The following GMIP variants were observed in gnomAD, a reference collection of about 807,000 sequenced individuals.
The protein encoded by GMIP is GEM-interacting protein.
A neutral mutation model predicts 105.3 loss-of-function variants in GMIP; 54 were observed. The observed-to-expected ratio is 0.51, with a 90% CI of 0.41 to 0.64. The LOEUF (loss-of-function observed/expected upper bound fraction) is 0.64. Ranked by LOEUF, GMIP falls within the 30% of genes least tolerant of loss-of-function variation. The probability of loss-of-function intolerance (pLI) is 0.00; values close to 1 mark genes in which losing one functional copy is unlikely to be tolerated. For synonymous variants in GMIP, 541 were observed against 560.8 expected (o/e 0.96, Z 0.50); for missense variants, 1,110 against 1,319.4 (o/e 0.84, Z 2.46).
In GMIP at chr19:19,634,480, T is replaced by A. The variant is rs2061829368; in HGVS notation, c.2084+27A>T. ...CGCATGTCCAGGGAAAAGGGTCGCG[T>A]TTCAAGGCTCAGGGACCCATGCACA... On this transcript the variant is annotated intron_variant, in intron 18 of 20. Coordinates refer to ENST00000203556, the MANE Select transcript of GMIP (RefSeq NM_016573.4). This position sits in a 1 kb window ranked among gnomAD's most constrained non-coding sequence, Gnocchi z 6.1. 3 of 1,577,210 alleles carry A rather than the reference T, an allele frequency of 1.9e-6. No individual in the cohort carries two copies. Among genetic ancestry groups the A allele is most frequent in the Non-Finnish European group, 2.6e-6 (3 of 1,165,118 alleles).
Position 19,629,882 on chromosome 19 carries a change from G to A in GMIP, c.*81C>T, listed in dbSNP as rs2061773699. 1.4e-6 allele frequency: 2 copies of A among 1,383,960 alleles called. No individual in the cohort carries two copies. The highest frequency in any genetic ancestry group is 2.0e-6 in the Non-Finnish European group (2 of 1,022,476). 85.7% of individuals were successfully genotyped at this position (1,383,960 alleles called of 1,614,324 possible). A position where few individuals can be genotyped will look rare whatever the true frequency, so the allele number is the denominator to read the frequency against. ...CATTGAACTCCTGGCGGGGTGTTTG[G>A]CCACTAGGTGGTGGGAGGTAGGGAT... On this transcript the variant is annotated 3_prime_UTR_variant, in exon 21 of 21. Transcript: ENST00000203556.
chr19:19,630,251 GC>G lies in GMIP; in HGVS notation c.2624del (p.Gly875AlafsTer3), dbSNP rs759585880. On this transcript the variant is annotated frameshift_variant, in exon 21 of 21. Coordinates refer to ENST00000203556, the MANE Select transcript of GMIP (RefSeq NM_016573.4). LOFTEE classifies it high-confidence loss of function. This position sits in a 1 kb window ranked among gnomAD's most constrained non-coding sequence, Gnocchi z 4.8. ...GCTGGTGGGTTACAGGCCTCACACC[GC>G]CCCGGGGATACTTCACTGGCTGGCG... The part of the protein sequence containing the change: ...FSRQPVKYPR[G>X]GVRPVTHQLS... 3 of 1,570,380 alleles carry G rather than the reference GC, an allele frequency of 1.9e-6. No individual in the cohort carries two copies. Among genetic ancestry groups the G allele is most frequent in the Non-Finnish European group, 2.6e-6 (3 of 1,155,750 alleles).
At position 19,635,517 on chromosome 19, in the gene GMIP, T is replaced by C. The variant is rs1337782415; in HGVS notation, c.1458A>G (p.Thr486=). 6.2e-7 allele frequency: 1 copy of C among 1,613,128 alleles called. No individual in the cohort carries two copies. The highest frequency in any genetic ancestry group is 8.5e-7 in the Non-Finnish European group (1 of 1,180,000). Residue 486 remains threonine, a synonymous_variant, in exon 15 of 21, where the codon ACA becomes ACG. Transcript: ENST00000203556. The surrounding 1 kb of genome is among the most constrained non-coding windows in gnomAD (Gnocchi z 4.7). ...GGTGGGTCTGAGCCGCGCTGGACAG[T>C]GTCCACTTCCCGAAGGGGCTGCCCA... ...NGLGSPFGKW[T]LSSAAQTHQL...
At chr19:19,639,951 G>A in intron 7 of GMIP, 134 bp downstream of exon 7, 1 of 614,150 alleles carries the variant, frequency 1.6e-6, no homozygotes, top group South Asian at 2.0e-5. Context: ...CCGGGCCTCA[G>A]CTTCCTCATC....
In GMIP at chr19:19,634,656, A is replaced by T. The variant is rs774743936; in HGVS notation, c.1935T>A (p.Ser645=). 6 of 1,612,342 alleles carry T rather than the reference A, an allele frequency of 3.7e-6. No individual in the cohort carries two copies. In the Admixed American group the frequency reaches 1.0e-4, roughly 27 times the overall value. The part of the protein sequence containing the change: ...IPFHLYDAFI[S]LAKTLHADPG... ...GGTCTGCATGCAAGGTCTTAGCCAG[A>T]GAGATGAAGGCGTCGTAGAGGTGGA... Residue 645 remains serine (S), a synonymous_variant, in exon 18 of 21, where the codon TCT becomes TCA. Transcript: ENST00000203556. The surrounding 1 kb of genome is among the most constrained non-coding windows in gnomAD (Gnocchi z 6.1).
chr19:19,630,418 C>T lies in GMIP; in HGVS notation c.2539+53G>A. ...CCAGGAGTCATCTTTTAGCAAGCCA[C>T]CCTGGGGCCAGGGCACCCCCAGAAC... On this transcript the variant is annotated intron_variant, in intron 20 of 20. Coordinates refer to ENST00000203556, the MANE Select transcript of GMIP (RefSeq NM_016573.4). This position sits in a 1 kb window ranked among gnomAD's most constrained non-coding sequence, Gnocchi z 4.8. 6.2e-7 allele frequency: 1 copy of T among 1,603,420 alleles called. No homozygotes were observed. The highest frequency in any genetic ancestry group is 8.5e-7 in the Non-Finnish European group (1 of 1,173,828).
rs1348668365 is a variant in GMIP, at chr19:19,630,264, T to G, written c.2612A>C (p.Lys871Thr). 2.6e-6 allele frequency: 4 copies of G among 1,557,844 alleles called. No homozygotes were observed. In the Admixed American group the frequency reaches 7.6e-5, roughly 30 times the overall value. The change falls in exon 21 of 21, where the codon AAG becomes ACG. Residue 871 changes from lysine to threonine, a missense_variant. Physicochemically the swap from Lys to Thr is moderately conservative, Grantham distance 78. Transcript: ENST00000203556. This position sits in a 1 kb window ranked among gnomAD's most constrained non-coding sequence, Gnocchi z 4.8. Reference protein sequence around the residue: ...SRGHFSRQPVKYPRGGVRPVT... With the variant: ...SRGHFSRQPVTYPRGGVRPVT... ...AGGCCTCACACCGCCCCGGGGATAC[T>G]TCACTGGCTGGCGGCTGAAGTGGCC...
intron 4 of GMIP, 76 bp downstream of exon 4, chr19:19,641,734 A>C: frequency 1.9e-6 from 2 of 1,044,846 alleles, no homozygotes; most frequent in Non-Finnish European, 2.9e-6. Flanking sequence ...CTTGCATGGA[A>C]CAGGGGATCA....
At chr19:19,641,346 G>A (rs1011408120) in intron 4 of GMIP, among the ~76,000 whole-genome samples, 2 of 151,972 alleles carry the variant, frequency 1.3e-5, no homozygotes, top group African/African-American at 4.8e-5. Flanking sequence ...CCTCCAAAGT[G>A]CTGGGATTAC....
At position 19,630,913 on chromosome 19, in the gene GMIP, C is replaced by T. The variant is rs761714256; in HGVS notation, c.2473-376G>A. ...GATAGACGATGCCCTTATAAGTGTA[C>T]TGCTTGGCCAGGCATGGTGGTGCAT... On this transcript the variant is annotated intron_variant, in intron 19 of 20. Coordinates refer to ENST00000203556, the MANE Select transcript of GMIP (RefSeq NM_016573.4). The surrounding 1 kb of genome is among the most constrained non-coding windows in gnomAD (Gnocchi z 4.8). Among the ~76,000 whole-genome samples, 3 of 152,114 alleles carry T rather than the reference C, an allele frequency of 2.0e-5. No homozygotes were observed. The highest frequency in any genetic ancestry group is 1.9e-4 in the East Asian group (1 of 5,184).
chr19:19,633,447 T>A (rs1204298794), intron 19 of GMIP, among the ~76,000 whole-genome samples: 1 of 152,256 alleles, frequency 6.6e-6, no homozygotes, highest in Non-Finnish European at 1.5e-5. Flanking sequence ...ATATGGTTGT[T>A]CTTTCCCCAC....
chr19:19,633,991 G>A lies in GMIP; in HGVS notation c.2284C>T (p.Leu762Phe), dbSNP rs1364280664. Residue 762 changes from leucine (L) to phenylalanine (F), a missense_variant, in exon 19 of 21, where the codon CTC becomes TTC. Around this residue, in one of 3 missense-constraint regions of GMIP, gnomAD observed 394 missense variants for 450.5 expected, o/e 0.87. Transcript: ENST00000203556. ...GGCGGGGGCTCAGTGGCCTGGGGGAGCTCATCCATCCCAAAGATCTGCTCG... is the reference window on the plus strand; with the variant it reads ...GGCGGGGGCTCAGTGGCCTGGGGGAACTCATCCATCCCAAAGATCTGCTCG... ...HYEQIFGMDE[L>F]PQATEPPPQD... The A allele has an allele frequency of 2.5e-6, 4 of 1,603,484 alleles. No individual in the cohort carries two copies. Among genetic ancestry groups the A allele is most frequent in the Non-Finnish European group, 3.4e-6 (4 of 1,171,978 alleles).
In GMIP at chr19:19,635,414, C is replaced by A. The variant is rs768140288; in HGVS notation, c.1560+1G>T. On this transcript the variant is annotated splice_donor_variant, in intron 15 of 20. Coordinates refer to ENST00000203556, the MANE Select transcript of GMIP (RefSeq NM_016573.4). LOFTEE classifies it high-confidence loss of function. The surrounding 1 kb of genome is among the most constrained non-coding windows in gnomAD (Gnocchi z 4.7). ...CATTTGGTCATTAACCCAGGCCACA[C>A]CTCCTCACACTCCGTCCCGCTGACC... 2 of 1,608,966 alleles carry A rather than the reference C, an allele frequency of 1.2e-6. No individual in the cohort carries two copies. The highest frequency in any genetic ancestry group is 1.7e-5 in the Admixed American group (1 of 59,914).
Position 19,634,428 on chromosome 19 carries a change from CAG to C in GMIP, c.2084+77_2084+78del, listed in dbSNP as rs1568412518. ...CAGGTCAAAGGTCAGAGGTCAGTGT[CAG>C]GGGTCAGCCAGGGAAGTTAGTAGTC... On this transcript the variant is annotated intron_variant, in intron 18 of 20. Coordinates refer to ENST00000203556, the MANE Select transcript of GMIP (RefSeq NM_016573.4). The surrounding 1 kb of genome is among the most constrained non-coding windows in gnomAD (Gnocchi z 6.1). 2 of 1,255,516 alleles carry C rather than the reference CAG, an allele frequency of 1.6e-6. No individual in the cohort carries two copies. Among genetic ancestry groups the C allele is most frequent in the Admixed American group, 4.3e-5 (2 of 46,478 alleles). The allele number at this position is 1,255,516 out of a possible 1,614,324, so 77.8% of individuals were successfully genotyped here. A position where few individuals can be genotyped will look rare whatever the true frequency, so the allele number is the denominator to read the frequency against.
At chr19:19,633,782 G>C in intron 19 of GMIP, 21 bp downstream of exon 19, 1 of 1,435,430 alleles carries the variant, frequency 7.0e-7, no homozygotes, top group Non-Finnish European at 9.2e-7. Context: ...CTCCATAGCT[G>C]TGGGCCCAGT....
rs73004988 is a variant in GMIP, at chr19:19,633,805, C to T, written c.2470G>A (p.Glu824Lys). 5.8e-3 allele frequency: 8,528 copies of T among 1,461,602 alleles called. 38 individuals carry two copies. The highest frequency in any genetic ancestry group is 6.8e-3 in the Non-Finnish European group (7,477 of 1,104,934). The allele number at this position is 1,461,602 out of a possible 1,614,324, so 90.5% of individuals were successfully genotyped here. ...LEQHPTATPT[E>K]IPTPQSDQRE... ...CTGTGGGCCCAGTGGGTTCTTACCT[C>T]GGTAGGTGTGGCCGTGGGATGCTGC... Residue 824 changes from glutamate to lysine, a missense_variant and splice_region_variant, in exon 19 of 21, where the codon GAG becomes AAG. Glu to Lys is a moderately conservative substitution (Grantham distance 56). Coordinates refer to ENST00000203556, the MANE Select transcript of GMIP (RefSeq NM_016573.4).
rs952526599 is a variant in GMIP at position 19,635,929 on chromosome 19, C to A, written c.1328-208G>T. 6.6e-6 allele frequency among the ~76,000 whole-genome samples: 1 copy of A among 152,130 alleles called. No individual in the cohort carries two copies. The highest frequency in any genetic ancestry group is 1.5e-5 in the Non-Finnish European group (1 of 68,028). ...CAAGAGGTTGAGGAAATAGGCCGGG[C>A]GCAGTGGCTCACACCTGTAATCCCA... On this transcript the variant is annotated intron_variant, in intron 13 of 20. Transcript: ENST00000203556. The surrounding 1 kb of genome is among the most constrained non-coding windows in gnomAD (Gnocchi z 4.7).
In GMIP at chr19:19,635,241, G is replaced by C; in HGVS notation, c.1561-28C>G. The C allele has an allele frequency of 6.3e-7, 1 of 1,592,454 alleles. No individual in the cohort carries two copies. Among genetic ancestry groups the C allele is most frequent in the Non-Finnish European group, 8.6e-7 (1 of 1,164,944 alleles). On this transcript the variant is annotated intron_variant, in intron 15 of 20. Transcript: ENST00000203556. The surrounding 1 kb of genome is among the most constrained non-coding windows in gnomAD (Gnocchi z 4.7). ...GTGGGGAAGGTCACAGGGACAGGGAGGTCATTAGGGACCAGTAGGGGAAGA... is the reference window on the plus strand; with the variant it reads ...GTGGGGAAGGTCACAGGGACAGGGACGTCATTAGGGACCAGTAGGGGAAGA...
chr19:19,642,705 A>G, intron 1 of GMIP, 86 bp from the exon 2 acceptor site: 1 of 623,198 alleles, frequency 1.6e-6, no homozygotes, highest in Non-Finnish European at 3.0e-6. Flanking sequence ...GAGGGGGTGG[A>G]AGAGAAAGGG....
Sources: allele counts gnomAD v4.1 joint callset (sites outside exome capture counted in the v4.1 genomes callset), GRCh38; gene constraint gnomAD v4.1.1; regional missense constraint gnomAD v4.1.1; non-coding constraint Gnocchi (gnomAD v3.1); transcripts MANE v1.5; gene names NCBI Gene and HGNC (gene_info 2026-07-23, HGNC 2026-07-21).